Variants in GARIN5B observed in about 807,000 individuals in gnomAD.
The protein encoded by GARIN5B is Golgi-associated RAB2 interactor protein 5B.
the GARIN5B span, chr19:55,360,837 G>A: frequency 6.5e-7 from 1 of 1,549,888 alleles, no homozygotes; most frequent in South Asian, 1.2e-5. Flanking sequence ...CAAGGGGTGG[G>A]GTGGGTTGAT....
At chr19:55,362,543 G>A in the GARIN5B span, 1 of 1,530,230 alleles carries the variant, frequency 6.5e-7, no homozygotes, top group Non-Finnish European at 8.8e-7. Flanking sequence ...CAGGAGGGGT[G>A]GAGGGGGCGG....
the GARIN5B span, chr19:55,360,821 C>G: frequency 6.4e-7 from 1 of 1,550,848 alleles, no homozygotes; most frequent in Non-Finnish European, 8.7e-7. Flanking sequence ...GAGCCACACA[C>G]TGTGGCAAGG....
chr19:55,362,249 A>G, the GARIN5B span: 1 of 1,531,298 alleles, frequency 6.5e-7, no homozygotes, highest in Non-Finnish European at 8.8e-7. Context: ...TCCCACCTGC[A>G]GGTGCCAGGT....
chr19:55,359,120 C>G, the GARIN5B span: 1 of 1,551,276 alleles, frequency 6.4e-7, no homozygotes, highest in Non-Finnish European at 8.7e-7. Flanking sequence ...CGGTTTCCCT[C>G]CAGACTGGCT....
At chr19:55,361,231 A>T in the GARIN5B span, 1 of 1,550,960 alleles carries the variant, frequency 6.4e-7, no homozygotes, top group African/African-American at 1.4e-5. Flanking sequence ...TGCGCTCAGC[A>T]ACCCTGACTG....
chr19:55,356,166 G>T, the GARIN5B span, among the ~76,000 whole-genome samples: 2 of 151,686 alleles, frequency 1.3e-5, no homozygotes, highest in South Asian at 4.2e-4. Context: ...GAGGTCAGGA[G>T]TTTGAGACTA....
the GARIN5B span, among the ~76,000 whole-genome samples, chr19:55,356,717 C>CTTG: frequency 6.6e-6 from 1 of 152,166 alleles, no homozygotes; most frequent in South Asian, 2.1e-4. Context: ...ATGCAACCAC[C>CTTG]TCTACCTAGT....
chr19:55,362,646 C>T, the GARIN5B span: 1 of 1,547,664 alleles, frequency 6.5e-7, no homozygotes, highest in South Asian at 1.2e-5. Flanking sequence ...TGTCAGGCAA[C>T]ACCAGGCCTG....
chr19:55,363,191 C>A, the GARIN5B span: 5 of 1,015,296 alleles, frequency 4.9e-6, no homozygotes, highest in Non-Finnish European at 6.7e-6. The surrounding 1 kb of genome is among the most constrained non-coding windows in gnomAD (Gnocchi z 4.0). Context: ...CGTTACAGAG[C>A]GTGGAGATGC....
At chr19:55,359,899 G>A in the GARIN5B span, 3 of 1,551,346 alleles carry the variant, frequency 1.9e-6, no homozygotes, top group Middle Eastern at 1.7e-4. Flanking sequence ...AGCCATCAGG[G>A]CTGTCAGCTG....
the GARIN5B span, among the ~76,000 whole-genome samples, chr19:55,357,508 G>C: frequency 3.3e-5 from 5 of 152,208 alleles, no homozygotes; most frequent in South Asian, 1.0e-3. Flanking sequence ...TTTCCCCCCA[G>C]ATGTCCTCAT....
chr19:55,356,598 CT>C, the GARIN5B span, among the ~76,000 whole-genome samples: 1 of 152,064 alleles, frequency 6.6e-6, no homozygotes, highest in East Asian at 1.9e-4. Flanking sequence ...GAACCACCAA[CT>C]TTTTTTGTTT....
At chr19:55,360,670 C>A in the GARIN5B span, 1 of 1,550,232 alleles carries the variant, frequency 6.5e-7, no homozygotes, top group African/African-American at 1.4e-5. Flanking sequence ...GGGCCTGGGC[C>A]CTGCCCCGGG....
At chr19:55,357,131 C>T in the GARIN5B span, among the ~76,000 whole-genome samples, 7 of 152,308 alleles carry the variant, frequency 4.6e-5, no homozygotes, top group East Asian at 1.4e-3. Context: ...ACACTAGACC[C>T]CTGGCCTCCA....
chr19:55,358,484 T>C, the GARIN5B span: 1 of 1,538,290 alleles, frequency 6.5e-7, no homozygotes, highest in Non-Finnish European at 8.8e-7. Flanking sequence ...AAAGGGCACC[T>C]TGGGTGGCCC....
the GARIN5B span, chr19:55,363,254 G>A: frequency 5.8e-6 from 3 of 518,928 alleles, no homozygotes; most frequent in East Asian, 1.1e-4. This position sits in a 1 kb window ranked among gnomAD's most constrained non-coding sequence, Gnocchi z 4.0. Flanking sequence ...GTGGACAGCA[G>A]GGGTCTGGGG....
At chr19:55,357,751 C>A in the GARIN5B span, among the ~76,000 whole-genome samples, 4 of 152,214 alleles carry the variant, frequency 2.6e-5, no homozygotes, top group Non-Finnish European at 4.4e-5. Context: ...TCGGCACTCA[C>A]TATATATCAG....
the GARIN5B span, chr19:55,362,804 A>G: frequency 6.7e-7 from 1 of 1,488,986 alleles, no homozygotes. Flanking sequence ...CTCCCTCCTG[A>G]TCGTCCCCCA....
At chr19:55,359,182 G>T in the GARIN5B span, 3 of 1,551,320 alleles carry the variant, frequency 1.9e-6, no homozygotes, top group Admixed American at 2.0e-5. Flanking sequence ...CGTCAAAATC[G>T]CCAGGGAGCT....
Sources: allele counts gnomAD v4.1 joint callset (sites outside exome capture counted in the v4.1 genomes callset), GRCh38; gene constraint gnomAD v4.1.1; non-coding constraint Gnocchi (gnomAD v3.1); transcripts MANE v1.5; gene names NCBI Gene and HGNC (gene_info 2026-07-23, HGNC 2026-07-21).